FGF1: variants seen among roughly 807,000 people sequenced by gnomAD.
FGF1 encodes the protein fibroblast growth factor 1.
In FGF1, 9 loss-of-function variants were observed where a neutral mutation model predicts 13.4. The ratio of observed to expected loss-of-function variants is 0.67; its 90% CI spans 0.40 to 1.17. The LOEUF (loss-of-function observed/expected upper bound fraction) is 1.17. FGF1 is among the 50% of genes most tolerant of loss of function. The pLI, the probability that FGF1 is intolerant of heterozygous loss-of-function variation, is 0.01. For synonymous variants in FGF1, 93 were observed against 79.0 expected, an observed-to-expected ratio of 1.18 and a Z score of -0.94; for missense variants, 156 against 192.7, an observed-to-expected ratio of 0.81 and a Z score of 1.13.
intron 1 of FGF1, among the ~76,000 whole-genome samples, chr5:142,677,289 A>T (rs2152041353): frequency 6.6e-6 from 1 of 152,328 alleles, no homozygotes. Context: ...ACTGATGGGG[A>T]AGGCAGAGAT....
chr5:142,670,560 C>T (rs947969455), intron 1 of FGF1, among the ~76,000 whole-genome samples: 30 of 152,146 alleles, frequency 2.0e-4, no homozygotes, highest in Non-Finnish European at 3.8e-4. Flanking sequence ...CACATGACAG[C>T]ATGAGAGCAG....
upstream of FGF1, among the ~76,000 whole-genome samples, chr5:142,689,920 C>A (rs561321640): frequency 1.8e-3 from 270 of 148,884 alleles, 1 homozygote; most frequent in African/African-American, 6.4e-3. Context: ...CCAGAATGGT[C>A]TCGATCTCCT....
In FGF1 at chr5:142,635,809, A is replaced by C. The variant is rs17217030; in HGVS notation, c.-34-21648T>G. ...GATGTGAGACTCCCTAGTCTGGGTG[A>C]TATTTTTTCTACATCAAGATAGAAG... On this transcript the variant is annotated intron_variant, in intron 1 of 3. Transcript: ENST00000337706. Among the ~76,000 whole-genome samples, 457 of 152,316 alleles carry C rather than the reference A, an allele frequency of 3.0e-3. 5 individuals carry two copies. The highest frequency in any genetic ancestry group is 0.024 in the Middle Eastern group (7 of 294).
At chr5:142,597,715 G>A (rs1169237853) in intron 3 of FGF1, among the ~76,000 whole-genome samples, 2 of 152,134 alleles carry the variant, frequency 1.3e-5, no homozygotes, top group Admixed American at 6.5e-5. Context: ...CCTGTCTGGC[G>A]GTTTCCAATT....
At chr5:142,647,952 G>T (rs1275737177) in intron 1 of FGF1, among the ~76,000 whole-genome samples, 1 of 152,248 alleles carries the variant, frequency 6.6e-6, no homozygotes, top group South Asian at 2.1e-4. Flanking sequence ...GGGCGTGGTG[G>T]TGCGCACCTG....
At chr5:142,686,208 G>C (rs983784154), upstream of FGF1, 6 of 152,302 alleles carry the variant, frequency 3.9e-5, no homozygotes, top group East Asian at 1.9e-4. Context: ...AGGTGGGGGG[G>C]GTGTAGGCTG....
At chr5:142,653,291 C>T (rs77028072) in intron 1 of FGF1, among the ~76,000 whole-genome samples, 1 of 152,256 alleles carries the variant, frequency 6.6e-6, no homozygotes, top group South Asian at 2.1e-4. Flanking sequence ...TCACGGCAGC[C>T]GGTAGTTGCG....
At chr5:142,600,539 T>G (rs145540744) in intron 3 of FGF1, among the ~76,000 whole-genome samples, 163 bp downstream of exon 3, 108 of 152,376 alleles carry the variant, frequency 7.1e-4, no homozygotes, top group African/African-American at 2.5e-3. Flanking sequence ...AACTCTTTTA[T>G]GTTTGTGCCT....
chr5:142,673,292 T>G (rs779214944), intron 1 of FGF1, among the ~76,000 whole-genome samples: 9 of 152,146 alleles, frequency 5.9e-5, no homozygotes, highest in Non-Finnish European at 1.0e-4. Flanking sequence ...ATCCAAAAAT[T>G]CCTCAGGAAT....
chr5:142,645,006 G>A (rs1765777403), intron 1 of FGF1, among the ~76,000 whole-genome samples: 2 of 152,198 alleles, frequency 1.3e-5, no homozygotes, highest in Admixed American at 1.3e-4. Flanking sequence ...CAAGGAAGAA[G>A]ATCTTCCAGC....
chr5:142,645,172 A>G (rs751324503), intron 1 of FGF1, among the ~76,000 whole-genome samples: 1 of 152,190 alleles, frequency 6.6e-6, no homozygotes, highest in Non-Finnish European at 1.5e-5. Flanking sequence ...GGTGAAGGGC[A>G]GGCAATAAAA....
chr5:142,599,824 A>C (rs1326616522), intron 3 of FGF1, among the ~76,000 whole-genome samples: 1 of 150,804 alleles, frequency 6.6e-6, no homozygotes, highest in African/African-American at 2.5e-5. Flanking sequence ...AGAAACAATT[A>C]GACTATGCCT....
At chr5:142,631,158 GCT>G (rs981877607) in intron 1 of FGF1, among the ~76,000 whole-genome samples, 1 of 152,174 alleles carries the variant, frequency 6.6e-6, no homozygotes, top group Non-Finnish European at 1.5e-5. Flanking sequence ...GTCCCATTCT[GCT>G]CTTTGTTGTG....
At chr5:142,670,473 A>G (rs1302137508) in intron 1 of FGF1, among the ~76,000 whole-genome samples, 1 of 152,202 alleles carries the variant, frequency 6.6e-6, no homozygotes, top group East Asian at 1.9e-4. Flanking sequence ...CCTTCCTTCA[A>G]GGACCCACGG....
intron 1 of FGF1, among the ~76,000 whole-genome samples, chr5:142,649,412 GT>G (rs59789895): frequency 0.11 from 16,296 of 145,814 alleles, 1,704 homozygotes; most frequent in African/African-American, 0.28. Flanking sequence ...GGTGGACATT[GT>G]TTTTTTTTTT....
chr5:142,661,731 C>T (rs141722278), intron 1 of FGF1, among the ~76,000 whole-genome samples: 16 of 152,154 alleles, frequency 1.1e-4, no homozygotes, highest in Non-Finnish European at 1.8e-4. Flanking sequence ...ACATATTGGC[C>T]GGGCGCGGTG....
intron 1 of FGF1, among the ~76,000 whole-genome samples, chr5:142,681,723 C>G (rs1434931654): frequency 6.6e-6 from 1 of 152,200 alleles, no homozygotes; most frequent in East Asian, 1.9e-4. Flanking sequence ...GCTGGACAGC[C>G]TAGGTATGAA....
At chr5:142,643,096 AGGCTCCAT>A (rs1765449175) in intron 1 of FGF1, among the ~76,000 whole-genome samples, 3 of 152,198 alleles carry the variant, frequency 2.0e-5, no homozygotes, top group African/African-American at 7.2e-5. Context: ...GCACCCCAGG[AGGCTCCAT>A]GGCTTCTGCC....
chr5:142,635,350 C>T (rs1224296746), intron 1 of FGF1, among the ~76,000 whole-genome samples: 1 of 152,198 alleles, frequency 6.6e-6, no homozygotes, highest in East Asian at 1.9e-4. Flanking sequence ...CTTCATCTTG[C>T]TCAAATCCAC....
Sources: allele counts gnomAD v4.1 joint callset (sites outside exome capture counted in the v4.1 genomes callset), GRCh38; gene constraint gnomAD v4.1.1; transcripts MANE v1.5; gene names NCBI Gene and HGNC (gene_info 2026-07-23, HGNC 2026-07-21).